Variants in RNF38 observed in about 807,000 individuals in gnomAD.
The protein encoded by RNF38 is ring finger protein 38.
A neutral mutation model predicts 67.2 loss-of-function variants in RNF38; 15 were observed. The ratio of observed to expected loss-of-function variants is 0.22; its 90% CI spans 0.15 to 0.34. RNF38 has a LOEUF of 0.34. RNF38 is among the 10% of genes least tolerant of loss of function. The pLI is 1.00. For missense variants in RNF38, 524 were observed against 639.9 expected (o/e 0.82, Z 1.95); for synonymous variants, 220 against 218.8 (o/e 1.01, Z -0.05).
At chr9:36,416,356 C>A (rs1051057782) in intron 2 of RNF38, among the ~76,000 whole-genome samples, 2 of 152,128 alleles carry the variant, frequency 1.3e-5, no homozygotes, top group Admixed American at 1.3e-4. Context: ...TCCTCCACAA[C>A]CAGCAAGGCC....
intron 1 of RNF38, among the ~76,000 whole-genome samples, chr9:36,447,740 G>C (rs891891570): frequency 9.2e-5 from 14 of 152,144 alleles, no homozygotes; most frequent in Admixed American, 9.2e-4. Flanking sequence ...AGGAAGAATG[G>C]CCAACTACCA....
At chr9:36,428,479 G>A (rs1838847503) in intron 1 of RNF38, among the ~76,000 whole-genome samples, 2 of 145,376 alleles carry the variant, frequency 1.4e-5, no homozygotes, top group South Asian at 2.2e-4. Context: ...ATATATACAC[G>A]TATAAATTCA....
chr9:36,459,524 A>G (rs1310528604), intron 1 of RNF38, among the ~76,000 whole-genome samples: 1 of 152,216 alleles, frequency 6.6e-6, no homozygotes, highest in African/African-American at 2.4e-5. Flanking sequence ...TCACAATTTT[A>G]TAAGCTGTGA....
chr9:36,441,979 T>TACAAGAG (rs1839201651), intron 1 of RNF38, among the ~76,000 whole-genome samples: 1 of 152,214 alleles, frequency 6.6e-6, no homozygotes, highest in Non-Finnish European at 1.5e-5. Context: ...TAGCCTACTC[T>TACAAGAG]TAGACACTAA....
intron 1 of RNF38, among the ~76,000 whole-genome samples, chr9:36,483,092 T>C (rs1468502495): frequency 2.6e-5 from 4 of 152,064 alleles, no homozygotes; most frequent in Non-Finnish European, 5.9e-5. Context: ...GCAGCACCGT[T>C]AAGAAGTGTA....
At chr9:36,485,176 GAACA>G (rs936258127) in intron 1 of RNF38, among the ~76,000 whole-genome samples, 21 of 151,986 alleles carry the variant, frequency 1.4e-4, no homozygotes, top group Non-Finnish European at 2.4e-4. Context: ...CAAAACAAAC[GAACA>G]AACAAATAAA....
In RNF38 at chr9:36,369,850, G is replaced by A; in HGVS notation, c.439C>T (p.Leu147Phe). The change falls in exon 4 of 12, where the codon CTC (leucine) becomes TTC (phenylalanine). Residue 147 changes from leucine to phenylalanine, a missense_variant. By Grantham distance (22) the Leu-to-Phe change is conservative (BLOSUM62 0). This residue lies in a region of RNF38 where 461 missense variants were observed against 517.4 expected (regional missense o/e 0.89). Transcript: ENST00000259605. The part of the protein sequence containing the change: ...SISQDENYHH[L>F]PYAQQQAIEE... ...ATTGCTTGCTGCTGTGCGTAAGGGA[G>A]ATGGTGATAGTTTTCATCTTGACTA... is the stretch of plus-strand genomic sequence containing the variant. The A allele has an allele frequency of 6.2e-7, 1 of 1,613,884 alleles. No individual in the cohort carries two copies. Among genetic ancestry groups the A allele is most frequent in the Admixed American group, 1.7e-5 (1 of 60,028 alleles).
At chr9:36,369,651 A>G in intron 4 of RNF38, 68 bp downstream of exon 4, 1 of 548,464 alleles carries the variant, frequency 1.8e-6, no homozygotes, top group Non-Finnish European at 2.4e-6. Flanking sequence ...CAAAAAGCCA[A>G]AAAAAAAAAA....
At position 36,337,741 on chromosome 9, in the gene RNF38, C is replaced by T. The variant is rs1386408941; in HGVS notation, c.*2011G>A. 6.6e-6 allele frequency: 1 copy of T among 152,358 alleles called. No homozygotes were observed. Among genetic ancestry groups the T allele is most frequent in the Non-Finnish European group, 1.5e-5 (1 of 68,008 alleles). 9.4% of individuals were successfully genotyped at this position (152,358 alleles called of 1,614,324 possible). A position where few individuals can be genotyped will look rare whatever the true frequency, so the allele number is the denominator to read the frequency against. On this transcript the variant is annotated 3_prime_UTR_variant, in exon 12 of 12. Transcript: ENST00000259605. ...TTTGGTCTTTAACACACTTTTTATT[C>T]ATCAGGAACAGGTGAGGGATATCCT...
chr9:36,482,305 G>A (rs865798245), intron 1 of RNF38, among the ~76,000 whole-genome samples: 4 of 150,296 alleles, frequency 2.7e-5, no homozygotes, highest in South Asian at 4.2e-4. Flanking sequence ...CGCCCACCTC[G>A]GCCTCCCAAA....
chr9:36,415,139 T>C (rs1016346639), intron 2 of RNF38, among the ~76,000 whole-genome samples: 1 of 152,228 alleles, frequency 6.6e-6, no homozygotes, highest in Non-Finnish European at 1.5e-5. Flanking sequence ...AAATAAGTTT[T>C]CCAAATTTTT....
chr9:36,434,777 T>C (rs1054001110), intron 1 of RNF38, among the ~76,000 whole-genome samples: 1 of 152,212 alleles, frequency 6.6e-6, no homozygotes, highest in African/African-American at 2.4e-5. Flanking sequence ...GTACAAATTA[T>C]GCATCACGGT....
At chr9:36,469,317 ACTT>A (rs1367696670) in intron 1 of RNF38, among the ~76,000 whole-genome samples, 2 of 117,526 alleles carry the variant, frequency 1.7e-5, no homozygotes, top group African/African-American at 3.2e-5. Context: ...TTACTCTACT[ACTT>A]TGTTCAATCT....
At chr9:36,427,290 C>A (rs775484054) in intron 1 of RNF38, among the ~76,000 whole-genome samples, 2 of 152,134 alleles carry the variant, frequency 1.3e-5, no homozygotes, top group Non-Finnish European at 2.9e-5. Flanking sequence ...GGAAATGAAG[C>A]CTTCCTGATT....
rs937945038 is a variant in RNF38, at chr9:36,422,381, C to T, written n.312+2232G>A. ...GCAGTGAGCCAAGACTGTACCACTG[C>T]ACTCCAGCCTGAGCAACGAAGGGAG... is the stretch of plus-strand genomic sequence containing the variant. On this transcript the variant is annotated intron_variant and non_coding_transcript_variant, in intron 2 of 3. Transcript: ENST00000488058. 3.3e-5 allele frequency among the ~76,000 whole-genome samples: 5 copies of T among 151,868 alleles called. No homozygotes were observed. In the South Asian group the frequency reaches 1.0e-3, roughly 31 times the overall value.
intron 1 of RNF38, among the ~76,000 whole-genome samples, chr9:36,444,919 C>T (rs199720003): frequency 3.7e-5 from 5 of 133,416 alleles, no homozygotes; most frequent in East Asian, 2.1e-4. Flanking sequence ...GAGCCATTCT[C>T]TTTTTTTTTT....
At position 36,418,605 on chromosome 9, in the gene RNF38, G is replaced by A. The variant is rs113992603; in HGVS notation, n.312+6008C>T. On this transcript the variant is annotated intron_variant and non_coding_transcript_variant, in intron 2 of 3. Coordinates refer to the RNF38 transcript ENST00000488058. ...GTTCATGACCAGCTTGGCCAACATG[G>A]TGAAACCCTATCTCTACTAAAAATA... Among the ~76,000 whole-genome samples, 388 of 152,066 alleles carry A rather than the reference G, an allele frequency of 2.6e-3. 4 individuals are homozygous for A. Among genetic ancestry groups the A allele is most frequent in the African/African-American group, 9.0e-3 (373 of 41,512 alleles).
chr9:36,376,250 T>A (rs1320820852), intron 2 of RNF38, 123 bp from the exon 3 acceptor site: 1 of 678,122 alleles, frequency 1.5e-6, no homozygotes, highest in East Asian at 3.1e-5. Flanking sequence ...GGGAAAAAAA[T>A]ATATGCTATC....
At chr9:36,432,724 C>T (rs1374362104) in intron 1 of RNF38, among the ~76,000 whole-genome samples, 12 of 151,858 alleles carry the variant, frequency 7.9e-5, no homozygotes, top group South Asian at 4.2e-4. Context: ...ACCCAGGAGG[C>T]GGAGGCTGCA....
Sources: allele counts gnomAD v4.1 joint callset (sites outside exome capture counted in the v4.1 genomes callset), GRCh38; gene constraint gnomAD v4.1.1; regional missense constraint gnomAD v4.1.1; transcripts MANE v1.5; gene names NCBI Gene and HGNC (gene_info 2026-07-23, HGNC 2026-07-21).